GAB3: variants seen among roughly 807,000 people sequenced by gnomAD.
The protein encoded by GAB3 is GRB2-associated-binding protein 3.
A neutral mutation model predicts 40.4 loss-of-function variants in GAB3; 12 were observed. The ratio of observed to expected loss-of-function variants is 0.30; its 90% CI spans 0.19 to 0.48. The LOEUF (loss-of-function observed/expected upper bound fraction) is 0.48, where lower values mean the gene tolerates loss of function less well. Ranked by LOEUF, GAB3 falls within the 20% of genes least tolerant of loss-of-function variation. The pLI is 0.99. For synonymous variants in GAB3, 154 were observed against 176.7 expected (o/e 0.87, Z 1.02); for missense variants, 381 against 461.9 (o/e 0.82, Z 1.61).
At chrX:154,741,936 C>T (rs2071447985) in intron 1 of GAB3, among the ~76,000 whole-genome samples, 1 of 111,352 alleles carries the variant, frequency 9.0e-6, no homozygotes, top group East Asian at 2.8e-4. Flanking sequence ...TTATCAATTA[C>T]CTCCACTTGG....
At chrX:154,735,668 C>T (rs1165097074) in intron 1 of GAB3, among the ~76,000 whole-genome samples, 1 of 112,440 alleles carries the variant, frequency 8.9e-6, no homozygotes, top group Non-Finnish European at 1.9e-5. Context: ...CACCTGGTCT[C>T]CCTGCTTCTG....
intron 1 of GAB3, among the ~76,000 whole-genome samples, chrX:154,736,833 C>T (rs782517557): frequency 1.8e-5 from 2 of 111,963 alleles, no homozygotes; most frequent in South Asian, 7.4e-4. Flanking sequence ...TACCTATTGG[C>T]AGAACTCATC....
chrX:154,737,137 A>T (rs1481854080), intron 1 of GAB3, among the ~76,000 whole-genome samples: 3 of 111,625 alleles, frequency 2.7e-5, no homozygotes, highest in African/African-American at 9.8e-5. Context: ...CACCAGAAAG[A>T]CTCGGAAGCC....
At position 154,706,412 on chromosome X, in the gene GAB3, T is replaced by C. The variant is rs781821228; in HGVS notation, c.1069+5817A>G. On this transcript the variant is annotated intron_variant, in intron 4 of 9. Transcript: ENST00000424127. ...GCCTGGGCGATAGTGCAAGACTCCA[T>C]CTCAAAAAAAAAAAAAATGCTCATG... 6.7e-4 allele frequency among the ~76,000 whole-genome samples: 39 copies of C among 58,401 alleles called. No individual in the cohort carries two copies. The East Asian group carries it at 0.031, about 47-fold the overall frequency. 50.7% of individuals were successfully genotyped at this position (58,401 alleles called of 115,157 possible).
At chrX:154,679,770 C>G (rs1484643498) in intron 9 of GAB3, among the ~76,000 whole-genome samples, 2 of 111,737 alleles carry the variant, frequency 1.8e-5, no homozygotes, top group African/African-American at 6.5e-5. Context: ...ACTGCTCCCT[C>G]AAGTCTAACC....
At chrX:154,722,989 C>G (rs2071158703) in intron 1 of GAB3, among the ~76,000 whole-genome samples, 1 of 111,413 alleles carries the variant, frequency 9.0e-6, no homozygotes, top group Non-Finnish European at 1.9e-5. Flanking sequence ...AGCGATTCTC[C>G]TGCCTCAGCC....
chrX:154,708,041 A>G (rs1219705188), intron 4 of GAB3, among the ~76,000 whole-genome samples: 1 of 112,151 alleles, frequency 8.9e-6, no homozygotes, highest in Non-Finnish European at 1.9e-5. Flanking sequence ...AACCAAAAGA[A>G]CAGAATAGAG....
At chrX:154,722,219 C>T (rs967518599) in intron 1 of GAB3, among the ~76,000 whole-genome samples, 1 of 109,090 alleles carries the variant, frequency 9.2e-6, no homozygotes, top group Admixed American at 9.9e-5. Context: ...CTGTTTTGTA[C>T]GTGGGGGGAA....
rs1367470254 is a variant in GAB3 at position 154,743,331 on chromosome X, A to G, written c.72+7623T>C. 5.4e-5 allele frequency among the ~76,000 whole-genome samples: 6 copies of G among 111,717 alleles called. No homozygotes were observed. In the East Asian group the frequency reaches 1.4e-3, roughly 26 times the overall value. ...AAAACAGAGAAGTCACTGCCAGCAG[A>G]CCTAAACTACATGAAATGCTGAAGG... is the stretch of plus-strand genomic sequence containing the variant. On this transcript the variant is annotated intron_variant, in intron 1 of 9. Coordinates refer to ENST00000424127, the MANE Select transcript of GAB3 (RefSeq NM_001081573.3).
intron 1 of GAB3, among the ~76,000 whole-genome samples, chrX:154,722,846 T>C (rs1482356759): frequency 8.9e-6 from 1 of 112,132 alleles, no homozygotes; most frequent in Non-Finnish European, 1.9e-5. Context: ...TCAATACATT[T>C]GTTTTATGTG....
chrX:154,744,504 A>G (rs2071497782), intron 1 of GAB3, among the ~76,000 whole-genome samples: 1 of 112,370 alleles, frequency 8.9e-6, no homozygotes, highest in Non-Finnish European at 1.9e-5. Flanking sequence ...GTGTATAACT[A>G]GAAATGGAGC....
intron 4 of GAB3, 110 bp from the exon 5 acceptor site, chrX:154,700,169 G>A (rs1337683923): frequency 5.3e-6 from 3 of 571,155 alleles, no homozygotes; most frequent in East Asian, 3.5e-5. Flanking sequence ...AGTCTAGCTG[G>A]GCAGTCAGAA....
intron 1 of GAB3, among the ~76,000 whole-genome samples, chrX:154,727,902 G>T (rs2148474994): frequency 8.9e-6 from 1 of 112,031 alleles, no homozygotes; most frequent in South Asian, 3.7e-4. Context: ...AAACCTGGCT[G>T]GGTTATAGCA....
intron 1 of GAB3, among the ~76,000 whole-genome samples, chrX:154,742,543 T>C (rs782153966): frequency 9.0e-6 from 1 of 110,739 alleles, no homozygotes; most frequent in South Asian, 3.8e-4. Flanking sequence ...TTTCTACTAA[T>C]GAGTGTTGCT....
At chrX:154,745,078 C>T (rs1328526494) in intron 1 of GAB3, among the ~76,000 whole-genome samples, 2 of 111,985 alleles carry the variant, frequency 1.8e-5, no homozygotes, top group Non-Finnish European at 3.8e-5. Context: ...CGCCTGTAAT[C>T]CCAGCACTTT....
Position 154,712,492 on chromosome X carries a change from T to C in GAB3, c.806A>G (p.Asp269Gly), listed in dbSNP as rs1557256388. 1.7e-6 allele frequency: 2 copies of C among 1,208,824 alleles called. No homozygotes were observed. Among genetic ancestry groups the C allele is most frequent in the Non-Finnish European group, 2.2e-6 (2 of 893,911 alleles). The stretch of plus-strand genomic sequence containing the variant: ...CAGCAATGGTGAAGAAGACAAGTGG[T>C]CCCTGGGTGGCCCATTGATTTCTCT... The part of the protein sequence containing the change: ...WSREINGPPR[D>G]HLSSSPLLES... Residue 269 changes from aspartate to glycine, a missense_variant, in exon 4 of 10, where the codon GAC (aspartate) becomes GGC (glycine). Asp to Gly is a moderately conservative substitution (Grantham distance 94). Coordinates refer to ENST00000424127, the MANE Select transcript of GAB3 (RefSeq NM_001081573.3).
chrX:154,744,958 A>G lies in GAB3; in HGVS notation c.72+5996T>C, dbSNP rs782777594. Among the ~76,000 whole-genome samples, 87 of 112,480 alleles carry G rather than the reference A, an allele frequency of 7.7e-4. 1 individual carries two copies. Among genetic ancestry groups the G allele is most frequent in the African/African-American group, 2.7e-3 (83 of 30,984 alleles). ...GATCAAAGAGGAAATCTCAGGGGAA[A>G]ATTAAATAATACTTTGAAATGAATT... is the stretch of plus-strand genomic sequence containing the variant. On this transcript the variant is annotated intron_variant, in intron 1 of 9. Coordinates refer to ENST00000424127, the MANE Select transcript of GAB3 (RefSeq NM_001081573.3).
At chrX:154,729,307 C>A (rs2071259453) in intron 1 of GAB3, among the ~76,000 whole-genome samples, 1 of 112,045 alleles carries the variant, frequency 8.9e-6, no homozygotes, top group Non-Finnish European at 1.9e-5. Context: ...TAAATGGACT[C>A]AATGCTCTTG....
chrX:154,741,116 G>T (rs1557261171), intron 1 of GAB3, among the ~76,000 whole-genome samples: 1 of 111,883 alleles, frequency 8.9e-6, no homozygotes, highest in African/African-American at 3.3e-5. Context: ...AGTCTCACAA[G>T]ATCTGATGGT....
Sources: allele counts gnomAD v4.1 joint callset (sites outside exome capture counted in the v4.1 genomes callset), GRCh38; gene constraint gnomAD v4.1.1; transcripts MANE v1.5; gene names NCBI Gene and HGNC (gene_info 2026-07-23, HGNC 2026-07-21).